AUH: variants seen among roughly 807,000 people sequenced by gnomAD.
AUH encodes the protein methylglutaconyl-CoA hydratase, mitochondrial.
In AUH, 29 loss-of-function variants were observed where a neutral mutation model predicts 42.3. That is an observed-to-expected ratio of 0.69 (90% CI 0.51 to 0.93). The LOEUF is 0.93. Ranked by LOEUF, AUH falls within the 40% of genes least tolerant of loss-of-function variation. The pLI, the probability that AUH is intolerant of heterozygous loss-of-function variation, is 0.00. For synonymous variants in AUH, 174 were observed against 166.4 expected, an observed-to-expected ratio of 1.05 and a Z score of -0.35; for missense variants, 452 against 438.1, an observed-to-expected ratio of 1.03 and a Z score of -0.28.
intron 6 of AUH, among the ~76,000 whole-genome samples, chr9:91,271,871 G>A (rs1036999551): frequency 3.3e-5 from 5 of 152,088 alleles, no homozygotes; most frequent in African/African-American, 1.2e-4. Flanking sequence ...TAGTATAGAC[G>A]GAGTTTCAAC....
intron 3 of AUH, among the ~76,000 whole-genome samples, chr9:91,351,736 T>C (rs117737383): frequency 6.6e-6 from 1 of 152,240 alleles, no homozygotes; most frequent in East Asian, 1.9e-4. Flanking sequence ...TACCGTGAAC[T>C]ACGCATGCGA....
At chr9:91,359,215 G>A (rs959926541) in intron 1 of AUH, among the ~76,000 whole-genome samples, 4 of 152,058 alleles carry the variant, frequency 2.6e-5, no homozygotes, top group Non-Finnish European at 5.9e-5. Flanking sequence ...AACAAAATAC[G>A]TTCTGCTTAT....
At chr9:91,301,480 C>T (rs1011237222) in intron 4 of AUH, among the ~76,000 whole-genome samples, 4 of 152,092 alleles carry the variant, frequency 2.6e-5, no homozygotes, top group African/African-American at 7.2e-5. Flanking sequence ...CAAGGACGAA[C>T]GATTGCCTGT....
At chr9:91,358,939 T>TA (rs1443469016) in intron 1 of AUH, among the ~76,000 whole-genome samples, 2 of 152,176 alleles carry the variant, frequency 1.3e-5, no homozygotes, top group African/African-American at 4.8e-5. Flanking sequence ...AGTTTTTTTT[T>TA]ATAACTGTCT....
chr9:91,220,508 G>T (rs535144248), intron 7 of AUH, among the ~76,000 whole-genome samples: 2 of 152,172 alleles, frequency 1.3e-5, no homozygotes. Flanking sequence ...CTCAGCTGGT[G>T]AGCAAATTAA....
intron 7 of AUH, chr9:91,218,950 T>C: frequency 2.0e-6 from 2 of 985,372 alleles, no homozygotes; most frequent in Non-Finnish European, 2.4e-6. Context: ...TCTTCTTATT[T>C]GTTTGACCTG....
At chr9:91,217,437 A>G in intron 7 of AUH, 110 bp from the exon 8 acceptor site, 1 of 1,185,760 alleles carries the variant, frequency 8.4e-7, no homozygotes, top group Non-Finnish European at 1.2e-6. Flanking sequence ...ACAGCCAGCA[A>G]TGGCTGTCAG....
chr9:91,259,342 C>T (rs1829581795), intron 6 of AUH, among the ~76,000 whole-genome samples: 1 of 151,690 alleles, frequency 6.6e-6, no homozygotes, highest in African/African-American at 2.4e-5. Context: ...GGTGAATGAT[C>T]TTTCAATCCT....
At chr9:91,273,688 A>G (rs972089449) in intron 6 of AUH, among the ~76,000 whole-genome samples, 2 of 152,216 alleles carry the variant, frequency 1.3e-5, no homozygotes, top group Admixed American at 6.5e-5. Flanking sequence ...AATAACATGC[A>G]TATGTGTACA....
intron 6 of AUH, among the ~76,000 whole-genome samples, chr9:91,264,426 T>G (rs974538600): frequency 6.6e-6 from 1 of 152,168 alleles, no homozygotes; most frequent in East Asian, 1.9e-4. Context: ...AACCATTGTT[T>G]TGCTTCAAGA....
At chr9:91,226,545 CTTTAG>C (rs1160197906) in intron 6 of AUH, among the ~76,000 whole-genome samples, 6 of 148,978 alleles carry the variant, frequency 4.0e-5, no homozygotes, top group African/African-American at 9.8e-5. Flanking sequence ...TGCAGAAGCT[CTTTAG>C]TTTAATTAGA....
At position 91,346,340 on chromosome 9, in the gene AUH, A is replaced by T. The variant is rs993521496; in HGVS notation, c.418+9543T>A. Among the ~76,000 whole-genome samples the T allele has an allele frequency of 6.6e-5, 10 of 152,140 alleles. No individual in the cohort carries two copies. In the East Asian group the frequency reaches 1.5e-3, roughly 23 times the overall value. On this transcript the variant is annotated intron_variant, in intron 3 of 9. Coordinates refer to ENST00000375731, the MANE Select transcript of AUH (RefSeq NM_001698.3). ...ATTATGTAAAGAGGCCTCCATAAAA[A>T]ATCCCTGAAACAGGGCTTAGGGAGC...
At chr9:91,255,467 C>T (rs1188501404) in intron 6 of AUH, among the ~76,000 whole-genome samples, 3 of 152,158 alleles carry the variant, frequency 2.0e-5, no homozygotes, top group Non-Finnish European at 2.9e-5. Flanking sequence ...TGAGTGATGG[C>T]AGCACTACAA....
At chr9:91,311,167 A>T (rs917288294) in intron 4 of AUH, among the ~76,000 whole-genome samples, 1 of 152,190 alleles carries the variant, frequency 6.6e-6, no homozygotes, top group African/African-American at 2.4e-5. Context: ...ATGAATATGG[A>T]CAGTAGATTT....
chr9:91,348,165 G>T (rs770412948), intron 3 of AUH, among the ~76,000 whole-genome samples: 43 of 151,456 alleles, frequency 2.8e-4, no homozygotes, highest in Admixed American at 6.6e-4. Context: ...CATCAAAACA[G>T]ATATACAGGT....
chr9:91,295,866 C>A (rs1280647874), intron 6 of AUH, among the ~76,000 whole-genome samples, 155 bp downstream of exon 6: 1 of 152,070 alleles, frequency 6.6e-6, no homozygotes, highest in Non-Finnish European at 1.5e-5. Context: ...GTTAGGTATG[C>A]CTGTAACTTG....
chr9:91,321,422 T>G (rs1264316435), intron 4 of AUH, among the ~76,000 whole-genome samples: 1 of 152,190 alleles, frequency 6.6e-6, no homozygotes, highest in Non-Finnish European at 1.5e-5. Flanking sequence ...TTGTTTTCTT[T>G]GAATTTTATC....
intron 3 of AUH, among the ~76,000 whole-genome samples, chr9:91,346,022 T>G (rs80293005): frequency 6.6e-6 from 1 of 152,026 alleles, no homozygotes; most frequent in Non-Finnish European, 1.5e-5. Flanking sequence ...AAAAAAATAC[T>G]TCGTCGTTTT....
intron 3 of AUH, among the ~76,000 whole-genome samples, chr9:91,346,019 T>C (rs1236115201): frequency 6.6e-6 from 1 of 151,844 alleles, no homozygotes; most frequent in South Asian, 2.1e-4. Context: ...ATAAAAAAAA[T>C]ACTTCGTCGT....
Sources: gnomAD v4.1 joint callset for allele counts (sites outside exome capture counted in the v4.1 genomes callset) on GRCh38, gnomAD v4.1.1 for gene constraint, MANE v1.5 for transcripts, NCBI Gene and HGNC (gene_info 2026-07-23, HGNC 2026-07-21) for gene names.